The following USP35 variants were observed in gnomAD, a reference collection of about 807,000 sequenced individuals.
USP35 encodes the protein ubiquitin carboxyl-terminal hydrolase 35.
USP35 carries 69 observed loss-of-function variants against 83.8 expected under a neutral mutation model. That is an observed-to-expected ratio of 0.82 (90% CI 0.68 to 1.01). The LOEUF (loss-of-function observed/expected upper bound fraction) is 1.01, where lower values mean the gene tolerates loss of function less well. USP35 is among the 50% of genes least tolerant of loss of function. USP35 has a pLI of 0.00. For missense variants in USP35, 1,503 were observed against 1,362.5 expected (o/e 1.10, Z -1.62); for synonymous variants, 714 against 589.5 (o/e 1.21, Z -3.06).
In USP35 at chr11:78,208,961, T is replaced by C; in HGVS notation, c.1590T>C (p.Asp530=). The C allele has an allele frequency of 1.2e-6, 2 of 1,613,970 alleles. No individual in the cohort carries two copies. The highest frequency in any genetic ancestry group is 8.5e-7 in the Non-Finnish European group (1 of 1,179,896). Residue 530 remains aspartate (D), a splice_region_variant and synonymous_variant, in exon 9 of 11, where the codon GAT becomes GAC. Transcript: ENST00000529308. ...CGGAGTATCTGAAGTACCTGCTGGATCGGTAAGGGGGCCAGGGCTACGCGA... is the reference window on the plus strand; with the variant it reads ...CGGAGTATCTGAAGTACCTGCTGGACCGGTAAGGGGGCCAGGGCTACGCGA... ...DCSEYLKYLL[D]RLHEEEKTGT... is the part of the protein sequence containing the mutation.
rs1048044493 is a variant in USP35 at position 78,196,422 on chromosome 11, C to T, written c.177C>T (p.Arg59=). 2.3e-6 allele frequency: 3 copies of T among 1,292,428 alleles called. No homozygotes were observed. Among genetic ancestry groups the T allele is most frequent in the African/African-American group, 3.2e-5 (2 of 63,074 alleles). The allele number at this position is 1,292,428 out of a possible 1,614,324, so 80.1% of individuals were successfully genotyped here. ...GCGGCGCGGAGGAGCTGCCGCGCCG[C>T]GTGGGCTGCCAGCTGCTGCACGTGG... ...YVGGAEELPR[R]VGCQLLHVAG... The change falls in exon 2 of 11, where the codon CGC becomes CGT. Residue 59 remains arginine (R), a synonymous_variant. Transcript: ENST00000529308. The surrounding 1 kb of genome is among the most constrained non-coding windows in gnomAD (Gnocchi z 4.8).
rs749746525 is a variant in USP35 at position 78,196,911 on chromosome 11, C to T, written c.666C>T (p.Ser222=). The change falls in exon 2 of 11, where the codon TCC becomes TCT. Residue 222 remains serine (S), a synonymous_variant. Transcript: ENST00000529308. This position sits in a 1 kb window ranked among gnomAD's most constrained non-coding sequence, Gnocchi z 4.8. ...PCLKELFAVI[S]CAEEEPPSSA... is the part of the protein sequence containing the mutation. ...TCAAAGAGCTGTTCGCAGTCATCTCCTGCGCAGGTGCGTGTGCGGCCGGGG... is the reference window on the plus strand; with the variant it reads ...TCAAAGAGCTGTTCGCAGTCATCTCTTGCGCAGGTGCGTGTGCGGCCGGGG... The T allele has an allele frequency of 3.4e-6, 5 of 1,462,324 alleles. No individual in the cohort carries two copies. The highest frequency in any genetic ancestry group is 2.0e-4 in the Middle Eastern group (1 of 4,880). The allele number at this position is 1,462,324 out of a possible 1,614,324, so 90.6% of individuals were successfully genotyped here. A position where few individuals can be genotyped will look rare whatever the true frequency, so the allele number is the denominator to read the frequency against.
In USP35 at chr11:78,208,881, T is replaced by G. The variant is rs1863621529; in HGVS notation, c.1510T>G (p.Phe504Val). The part of the protein sequence containing the change: ...SQRPAISPEN[F>V]LSASWTPWFS... ...GCGGCCTGCCATTTCCCCAGAGAAC[T>G]TCCTCTCCGCATCCTGGACGCCCTG... Residue 504 changes from phenylalanine to valine, a missense_variant, in exon 9 of 11, where the codon TTC becomes GTC. Phe to Val is a conservative substitution (Grantham distance 50, BLOSUM62 -1). Coordinates refer to ENST00000529308, the MANE Select transcript of USP35 (RefSeq NM_020798.4). The G allele has an allele frequency of 6.2e-7, 1 of 1,614,142 alleles. No homozygotes were observed.
At chr11:78,203,601 CAGA>C (rs1863428324) in intron 6 of USP35, among the ~76,000 whole-genome samples, 1 of 150,720 alleles carries the variant, frequency 6.6e-6, no homozygotes, top group Non-Finnish European at 1.5e-5. Context: ...TTTTTTGAGA[CAGA>C]GTCTTGCTCT....
At chr11:78,226,452 G>T in the USP35 span, 4 of 1,594,582 alleles carry the variant, frequency 2.5e-6, no homozygotes, top group Middle Eastern at 1.7e-4. Context: ...TCTCAGCTAG[G>T]ACTTATACTG....
In USP35 at chr11:78,198,083, C is replaced by T; in HGVS notation, c.806+15C>T. ...GCCATTAGCAGGTGGGACGCTGAGG[C>T]TGAGCCATGATCAGGGCTGGGGCCC... On this transcript the variant is annotated intron_variant, in intron 3 of 10. Transcript: ENST00000529308. 1 of 1,613,912 alleles carries T rather than the reference C, an allele frequency of 6.2e-7. No individual in the cohort carries two copies. Among genetic ancestry groups the T allele is most frequent in the Non-Finnish European group, 8.5e-7 (1 of 1,179,904 alleles).
At chr11:78,219,370 G>C (rs766302085), downstream of USP35, 5 of 1,613,860 alleles carry the variant, frequency 3.1e-6, 1 homozygote, top group South Asian at 3.3e-5. Context: ...TTGTCCACCT[G>C]AACGTAGTCC....
the USP35 span, among the ~76,000 whole-genome samples, chr11:78,234,719 A>G: frequency 1.3e-5 from 2 of 151,894 alleles, no homozygotes; most frequent in Non-Finnish European, 2.9e-5. Flanking sequence ...TCACCAATAC[A>G]ACATTATCTT....
chr11:78,199,525 C>A, intron 3 of USP35, 70 bp from the exon 4 acceptor site: 1 of 1,604,142 alleles, frequency 6.2e-7, no homozygotes, highest in Non-Finnish European at 8.5e-7. Flanking sequence ...TACGGATAGC[C>A]CCTGGGCTGC....
At chr11:78,219,656 C>T (rs565386995), downstream of USP35, among the ~76,000 whole-genome samples, 17 of 152,294 alleles carry the variant, frequency 1.1e-4, no homozygotes, top group African/African-American at 2.2e-4. Context: ...TCTTACTTCC[C>T]GGCTTCTGGG....
intron 1 of USP35, among the ~76,000 whole-genome samples, chr11:78,189,817 C>T (rs1451344169): frequency 6.6e-6 from 1 of 152,214 alleles, no homozygotes; most frequent in Non-Finnish European, 1.5e-5. Flanking sequence ...CCAGTGAAAC[C>T]CTTTTTTCTT....
Position 78,213,784 on chromosome 11 carries a change from G to A in USP35, c.3028G>A (p.Gly1010Ser), listed in dbSNP as rs773406917. ...GGGCTGCAATCCTGCAGGTGGCAAT[G>A]GTGGTGACTTCCACAGACTGGTCTT... ...PGGCNPAGGN[G>S]GDFHRLVF The change falls in exon 11 of 11, where the codon GGT (glycine) becomes AGT (serine). Residue 1010 changes from glycine to serine, a missense_variant. Coordinates refer to ENST00000529308, the MANE Select transcript of USP35 (RefSeq NM_020798.4). 11 of 1,550,620 alleles carry A rather than the reference G, an allele frequency of 7.1e-6. No homozygotes were observed. The East Asian group carries it at 1.5e-4, about 21-fold the overall frequency.
At chr11:78,200,615 T>A in intron 5 of USP35, 35 bp from the exon 6 acceptor site, 1 of 1,573,824 alleles carries the variant, frequency 6.4e-7, no homozygotes, top group Non-Finnish European at 8.6e-7. Context: ...GGTGGGCGGG[T>A]TGGTGCTGAG....
rs1319666936 is a variant in USP35, at chr11:78,215,103, G to C, written c.*1290G>C. Among the ~76,000 whole-genome samples, 2 of 152,228 alleles carry C rather than the reference G, an allele frequency of 1.3e-5. No individual in the cohort carries two copies. The highest frequency in any genetic ancestry group is 4.8e-5 in the African/African-American group (2 of 41,458). On this transcript the variant is annotated 3_prime_UTR_variant, in exon 11 of 11. Coordinates refer to ENST00000529308, the MANE Select transcript of USP35 (RefSeq NM_020798.4). Reference sequence around the variant, plus strand: ...CCAGAACCCATCTCTAGACGCCTAAGAAAGCTGGATGGGTAAATGCTAGTA... The same window carrying C: ...CCAGAACCCATCTCTAGACGCCTAACAAAGCTGGATGGGTAAATGCTAGTA...
chr11:78,236,474 T>G, the USP35 span, among the ~76,000 whole-genome samples: 30 of 152,278 alleles, frequency 2.0e-4, no homozygotes, highest in South Asian at 6.2e-3. Flanking sequence ...TCTTCCTCCA[T>G]GGAACTGATG....
the USP35 span, chr11:78,223,384 G>T: frequency 1.3e-5 from 20 of 1,489,524 alleles, no homozygotes; most frequent in Admixed American, 2.1e-4. Context: ...ACTGTCCAGA[G>T]ATGGGACAGG....
At chr11:78,220,257 C>T in the USP35 span, 13 of 1,594,998 alleles carry the variant, frequency 8.2e-6, no homozygotes, top group East Asian at 2.2e-5. Context: ...CCCTGGCCTC[C>T]ATGATCTCTG....
At chr11:78,213,571 G>A in intron 10 of USP35, 75 bp from the exon 11 acceptor site, 4 of 1,404,832 alleles carry the variant, frequency 2.8e-6, no homozygotes, top group Non-Finnish European at 2.8e-6. Context: ...ATTGAAAGGT[G>A]TTGTGCTGGG....
rs1166708361 is a variant in USP35, at chr11:78,198,027, TGAC to T, written c.766_768del (p.Asp256del). 1 of 1,614,100 alleles carries T rather than the reference TGAC, an allele frequency of 6.2e-7. No homozygotes were observed. Among genetic ancestry groups the T allele is most frequent in the Non-Finnish European group, 8.5e-7 (1 of 1,180,036 alleles). On this transcript the variant is annotated inframe_deletion, in exon 3 of 11. Transcript: ENST00000529308. ...GTGTTGTCCGGAACCTCAGCAATGA[TGAC>T]AGTGTGACAGACTCGCAGATGCTGA...
Sources: gnomAD v4.1 joint callset for allele counts (sites outside exome capture counted in the v4.1 genomes callset) on GRCh38, gnomAD v4.1.1 for gene constraint, Gnocchi (gnomAD v3.1) non-coding constraint, MANE v1.5 for transcripts, NCBI Gene and HGNC (gene_info 2026-07-23, HGNC 2026-07-21) for gene names.